DLD: variants seen among roughly 807,000 people sequenced by gnomAD.
The protein encoded by DLD is dihydrolipoyl dehydrogenase, mitochondrial.
DLD carries 36 observed loss-of-function variants against 62.2 expected under a neutral mutation model. That is an observed-to-expected ratio of 0.58 (90% CI 0.44 to 0.76). The LOEUF (loss-of-function observed/expected upper bound fraction) is 0.76. Ranked by LOEUF, DLD falls within the 30% of genes least tolerant of loss-of-function variation. The pLI, the probability that DLD is intolerant of heterozygous loss-of-function variation, is 0.00. For synonymous variants in DLD, 204 were observed against 199.6 expected (o/e 1.02, Z -0.19); for missense variants, 541 against 608.6 (o/e 0.89, Z 1.17).
At chr7:107,891,362 G>C in intron 1 of DLD, 73 bp downstream of exon 1, 1 of 1,566,196 alleles carries the variant, frequency 6.4e-7, no homozygotes, top group Non-Finnish European at 8.7e-7. Flanking sequence ...CCGGTACGCG[G>C]CTTAACCGTG....
intron 7 of DLD, 129 bp from the exon 8 acceptor site, chr7:107,906,138 A>C: frequency 1.6e-6 from 1 of 626,046 alleles, no homozygotes; most frequent in Non-Finnish European, 2.8e-6. Flanking sequence ...TGCAACCATC[A>C]ATTTTTTTCC....
chr7:107,902,243 G>T, intron 3 of DLD, 82 bp from the exon 4 acceptor site: 1 of 1,210,016 alleles, frequency 8.3e-7, no homozygotes, highest in South Asian at 1.2e-5. Flanking sequence ...TTTTGTAGAA[G>T]AATTAAGACA....
At chr7:107,896,196 A>G (rs2031719017) in intron 2 of DLD, among the ~76,000 whole-genome samples, 2 of 152,232 alleles carry the variant, frequency 1.3e-5, no homozygotes, top group South Asian at 2.1e-4. Flanking sequence ...GAGCGTAACA[A>G]CAGAGAGAAT....
Position 107,919,101 on chromosome 7 carries a change from TAATTATTAACAACATATAGA to T in DLD, c.1464+4_1464+23del, listed in dbSNP as rs2032345575. The T allele has an allele frequency of 2.5e-6, 4 of 1,613,388 alleles. No individual in the cohort carries two copies. The highest frequency in any genetic ancestry group is 3.4e-6 in the Non-Finnish European group (4 of 1,179,464). ...GCTAGAGTCTGTCATGCACATCCGG[TAATTATTAACAACATATAGA>T]ATTGATGGTTGCCTAAATTTTCTTC... is the stretch of plus-strand genomic sequence containing the variant. On this transcript the variant is annotated splice_donor_5th_base_variant and intron_variant, in intron 13 of 13. Transcript: ENST00000205402.
At chr7:107,902,929 GTCTTTTTTTTAACT>G (rs1482175029) in intron 4 of DLD, among the ~76,000 whole-genome samples, 1 of 151,760 alleles carries the variant, frequency 6.6e-6, no homozygotes, top group East Asian at 1.9e-4. Flanking sequence ...AGAATGCCAT[GTCTTTTTTTTAACT>G]TCTTTTTAAA....
Position 107,902,523 on chromosome 7 carries a change from GAA to G in DLD, c.267+137_267+138del, listed in dbSNP as rs1052675302. On this transcript the variant is annotated intron_variant, in intron 4 of 13. Coordinates refer to ENST00000205402, the MANE Select transcript of DLD (RefSeq NM_000108.5). ...CAAGTTGTGGCACATTTCACACAGA[GAA>G]AAAAAAGAATGATAAAAAACACACT... 32 of 802,064 alleles carry G rather than the reference GAA, an allele frequency of 4.0e-5. No homozygotes were observed. The African/African-American group carries it at 4.3e-4, about 11-fold the overall frequency. The allele number at this position is 802,064 out of a possible 1,614,324, so 49.7% of individuals were successfully genotyped here.
At chr7:107,896,353 TC>T (rs1007423111) in intron 2 of DLD, among the ~76,000 whole-genome samples, 1 of 152,110 alleles carries the variant, frequency 6.6e-6, no homozygotes. Flanking sequence ...ACCTAGCACC[TC>T]CTTAGGATCT....
At chr7:107,903,341 G>A in intron 4 of DLD, 137 bp from the exon 5 acceptor site, 1 of 580,620 alleles carries the variant, frequency 1.7e-6, no homozygotes, top group Non-Finnish European at 3.2e-6. Context: ...TGGCGCCATT[G>A]CACTCCAGCT....
At chr7:107,916,336 C>G (rs952876491) in intron 9 of DLD, among the ~76,000 whole-genome samples, 3 of 152,088 alleles carry the variant, frequency 2.0e-5, no homozygotes, top group Admixed American at 1.3e-4. Context: ...CTTTCATTGT[C>G]TGACTCTTAT....
chr7:107,903,633 G>A, intron 5 of DLD, 86 bp downstream of exon 5: 4 of 729,686 alleles, frequency 5.5e-6, no homozygotes, highest in Non-Finnish European at 9.8e-6. Context: ...TCTAACGTAC[G>A]CATAATAGAT....
chr7:107,915,388 C>T, intron 8 of DLD, 118 bp from the exon 9 acceptor site: 1 of 1,075,174 alleles, frequency 9.3e-7, no homozygotes, highest in South Asian at 1.4e-5. Context: ...CTCGGAGCTT[C>T]TCATAGGAAC....
intron 6 of DLD, 77 bp downstream of exon 6, chr7:107,905,135 A>T (rs1004767478): frequency 1.1e-5 from 13 of 1,158,184 alleles, no homozygotes; most frequent in Non-Finnish European, 1.6e-5. Flanking sequence ...ATGATATTTG[A>T]ACTTGGTTAC....
chr7:107,908,372 A>G (rs1454294092), intron 8 of DLD, among the ~76,000 whole-genome samples: 3 of 152,016 alleles, frequency 2.0e-5, no homozygotes, highest in African/African-American at 7.2e-5. Flanking sequence ...GCTGGTCTCG[A>G]ACTCCTGACC....
intron 8 of DLD, among the ~76,000 whole-genome samples, chr7:107,914,812 A>G (rs2032227644): frequency 6.6e-6 from 1 of 152,246 alleles, no homozygotes; most frequent in Non-Finnish European, 1.5e-5. Context: ...TTTAGAAGTT[A>G]TACTAATTGT....
rs1372148483 is a variant in DLD, at chr7:107,919,272, T to C, written c.*13T>C. On this transcript the variant is annotated 3_prime_UTR_variant, in exon 14 of 14. Coordinates refer to ENST00000205402, the MANE Select transcript of DLD (RefSeq NM_000108.5). ...AATCAACTTTTGAATTAGAAGATTA[T>C]ATATATTTTTTTCTGAAATTTCCTG... 2 of 1,596,702 alleles carry C rather than the reference T, an allele frequency of 1.3e-6. No homozygotes were observed. The highest frequency in any genetic ancestry group is 1.3e-5 in the African/African-American group (1 of 74,570).
At chr7:107,915,751 A>C (rs2032254311) in intron 9 of DLD, 55 bp downstream of exon 9, 1 of 1,514,430 alleles carries the variant, frequency 6.6e-7, no homozygotes, top group Non-Finnish European at 9.1e-7. Context: ...TAAGCAAAAC[A>C]CTCAAGTTTC....
intron 4 of DLD, among the ~76,000 whole-genome samples, chr7:107,902,690 G>C (rs2031907280): frequency 2.0e-5 from 3 of 152,160 alleles, no homozygotes; most frequent in South Asian, 4.1e-4. Flanking sequence ...TCCTTCACCA[G>C]TGTAACAGAT....
At chr7:107,917,129 C>T in intron 10 of DLD, 144 bp from the exon 11 acceptor site, 1 of 1,212,710 alleles carries the variant, frequency 8.2e-7, no homozygotes, top group South Asian at 1.3e-5. Context: ...CAAAGATAAG[C>T]TGAATTCATA....
rs2032383579 is a variant in DLD at position 107,920,409 on chromosome 7, T to C, written c.*1150T>C. On this transcript the variant is annotated 3_prime_UTR_variant, in exon 14 of 14. Coordinates refer to ENST00000205402, the MANE Select transcript of DLD (RefSeq NM_000108.5). ...GCATAGATTGTCTCATGCTCATGAG[T>C]GACATAATGACCCTGGATTCTGTTA... 2 of 152,264 alleles carry C rather than the reference T, an allele frequency of 1.3e-5. No homozygotes were observed. The highest frequency in any genetic ancestry group is 2.9e-5 in the Non-Finnish European group (2 of 68,048). The allele number at this position is 152,264 out of a possible 1,614,324, so 9.4% of individuals were successfully genotyped here.
Sources: allele counts gnomAD v4.1 joint callset (sites outside exome capture counted in the v4.1 genomes callset), GRCh38; gene constraint gnomAD v4.1.1; transcripts MANE v1.5; gene names NCBI Gene and HGNC (gene_info 2026-07-23, HGNC 2026-07-21).